ERC2: variants seen among roughly 807,000 people sequenced by gnomAD.
The protein encoded by ERC2 is ELKS/RAB6-interacting/CAST family member 2.
Under a neutral mutation model 114.8 loss-of-function variants are expected in ERC2, and 42 were observed. The ratio of observed to expected loss-of-function variants is 0.37; its 90% CI spans 0.29 to 0.47. The LOEUF (loss-of-function observed/expected upper bound fraction) is 0.47, where lower values mean the gene tolerates loss of function less well. Ranked by LOEUF, ERC2 falls within the 20% of genes least tolerant of loss-of-function variation. ERC2 has a pLI of 0.99. For synonymous variants in ERC2, 454 were observed against 425.5 expected, an observed-to-expected ratio of 1.07 and a Z score of -0.82; for missense variants, 939 against 1,150.7, an observed-to-expected ratio of 0.82 and a Z score of 2.66.
intron 17 of ERC2, among the ~76,000 whole-genome samples, chr3:55,675,500 T>G (rs2061744209): frequency 1.3e-5 from 2 of 152,188 alleles, no homozygotes; most frequent in Admixed American, 1.3e-4. Flanking sequence ...CACCTAGTGG[T>G]GGCCATAATA....
chr3:55,735,403 A>G (rs1378673687), intron 14 of ERC2, among the ~76,000 whole-genome samples: 2 of 152,344 alleles, frequency 1.3e-5, no homozygotes, highest in Non-Finnish European at 2.9e-5. Flanking sequence ...TTGTACTAAC[A>G]TGGCAAGAAA....
At chr3:56,079,477 T>C (rs1157601113) in intron 7 of ERC2, among the ~76,000 whole-genome samples, 1 of 152,130 alleles carries the variant, frequency 6.6e-6, no homozygotes, top group Non-Finnish European at 1.5e-5. Context: ...GTGACTGATG[T>C]AGTCTGAGCA....
intron 17 of ERC2, among the ~76,000 whole-genome samples, chr3:55,602,717 A>G (rs193317): frequency 0.64 from 97,057 of 151,720 alleles, 32,815 homozygotes; most frequent in East Asian, 0.78. Flanking sequence ...ACAACCTAAC[A>G]CAACCTAACA....
intron 6 of ERC2, among the ~76,000 whole-genome samples, chr3:56,086,492 C>CT (rs113369686): frequency 1.5e-3 from 206 of 140,246 alleles, no homozygotes; most frequent in Middle Eastern, 7.6e-3. Flanking sequence ...TCAGGGTCTT[C>CT]TTTTTTTTTT....
chr3:56,317,544 T>C (rs750303118), intron 2 of ERC2, among the ~76,000 whole-genome samples: 1 of 152,144 alleles, frequency 6.6e-6, no homozygotes, highest in Non-Finnish European at 1.5e-5. Context: ...AATTTGAAAG[T>C]TCTTTAATTT....
intron 2 of ERC2, among the ~76,000 whole-genome samples, chr3:56,428,288 AGGCG>A (rs2061650561): frequency 6.6e-6 from 1 of 152,128 alleles, no homozygotes; most frequent in Non-Finnish European, 1.5e-5. Context: ...TTGGAGGCTG[AGGCG>A]GGCGGATCAC....
At chr3:56,063,061 T>C (rs1262014943) in intron 7 of ERC2, among the ~76,000 whole-genome samples, 4 of 152,230 alleles carry the variant, frequency 2.6e-5, no homozygotes, top group Non-Finnish European at 4.4e-5. Context: ...TGATAAAAGC[T>C]ACAACATGGA....
At chr3:55,950,992 G>A (rs972366209) in intron 12 of ERC2, among the ~76,000 whole-genome samples, 1 of 152,220 alleles carries the variant, frequency 6.6e-6, no homozygotes, top group Non-Finnish European at 1.5e-5. Flanking sequence ...GAGACTGTGG[G>A]TGAGACTACA....
chr3:56,373,877 T>G (rs926559597), intron 2 of ERC2, among the ~76,000 whole-genome samples: 1 of 152,366 alleles, frequency 6.6e-6, no homozygotes, highest in South Asian at 2.1e-4. Context: ...TGCATTCTTT[T>G]GTGGGTTTTT....
At chr3:55,738,544 T>C (rs2065784505) in intron 14 of ERC2, among the ~76,000 whole-genome samples, 2 of 152,040 alleles carry the variant, frequency 1.3e-5, no homozygotes, top group South Asian at 4.1e-4. Context: ...GTCCTTCCAT[T>C]CTTCATGCAC....
chr3:56,408,710 G>T (rs2060821661), intron 2 of ERC2, among the ~76,000 whole-genome samples: 3 of 152,342 alleles, frequency 2.0e-5, no homozygotes, highest in Admixed American at 1.3e-4. Flanking sequence ...TGTGGCGAAA[G>T]AACTAAACGA....
chr3:56,461,479 G>A (rs570333269), intron 1 of ERC2, among the ~76,000 whole-genome samples: 1 of 152,302 alleles, frequency 6.6e-6, no homozygotes. Flanking sequence ...AGGGCACTGG[G>A]TGCTCTCACA....
rs577543672 is a variant in ERC2 at position 56,203,253 on chromosome 3, C to T, written c.1075-29733G>A. 3.3e-5 allele frequency among the ~76,000 whole-genome samples: 5 copies of T among 152,284 alleles called. No individual in the cohort carries two copies. The South Asian group carries it at 8.3e-4, about 25-fold the overall frequency. On this transcript the variant is annotated intron_variant, in intron 3 of 17. Transcript: ENST00000288221. ...GATTTGATTAAACTATCATTAAGTG[C>T]CTGAGAGATGGACAGTGGCCTGACA... is the stretch of plus-strand genomic sequence containing the variant.
chr3:55,712,003 T>C (rs937308109), intron 15 of ERC2, among the ~76,000 whole-genome samples: 2 of 152,250 alleles, frequency 1.3e-5, no homozygotes, highest in Non-Finnish European at 2.9e-5. Flanking sequence ...TCCAAACTCT[T>C]TAATCTTCAA....
chr3:55,713,113 T>A lies in ERC2; in HGVS notation c.2713-13601A>T, dbSNP rs1344313841. 1.1e-4 allele frequency among the ~76,000 whole-genome samples: 13 copies of A among 113,790 alleles called. No individual in the cohort carries two copies. The East Asian group carries it at 2.2e-3, about 20-fold the overall frequency. 74.7% of individuals were successfully genotyped at this position (113,790 alleles called of 152,430 possible). On this transcript the variant is annotated intron_variant, in intron 15 of 17. Transcript: ENST00000288221. ...CTCTGCCATTCTCTCTCTCTCTCTC[T>A]CTCTCTCTCTCTCTGTCTCACACAC...
chr3:56,167,874 C>T (rs1311461748), intron 4 of ERC2, among the ~76,000 whole-genome samples: 1 of 152,134 alleles, frequency 6.6e-6, no homozygotes, highest in Non-Finnish European at 1.5e-5. Context: ...CATGATAACA[C>T]ATGCATGTAA....
intron 17 of ERC2, among the ~76,000 whole-genome samples, chr3:55,563,498 A>G (rs185965628): frequency 6.6e-6 from 1 of 152,166 alleles, no homozygotes; most frequent in Non-Finnish European, 1.5e-5. Flanking sequence ...TGATTACTCA[A>G]CCTCTGGTCA....
chr3:56,017,611 A>C (rs1369994122), intron 8 of ERC2, among the ~76,000 whole-genome samples: 2 of 151,648 alleles, frequency 1.3e-5, no homozygotes, highest in Non-Finnish European at 2.9e-5. Flanking sequence ...CTCACCACTC[A>C]CTTTCTTCAA....
intron 12 of ERC2, among the ~76,000 whole-genome samples, chr3:55,963,417 C>A (rs779576682): frequency 4.6e-5 from 7 of 152,162 alleles, no homozygotes; most frequent in Admixed American, 6.5e-5. Context: ...AAGCTCAACA[C>A]AACGTTCCCT....
Sources: gnomAD v4.1 joint callset for allele counts (sites outside exome capture counted in the v4.1 genomes callset) on GRCh38, gnomAD v4.1.1 for gene constraint, MANE v1.5 for transcripts, NCBI Gene and HGNC (gene_info 2026-07-23, HGNC 2026-07-21) for gene names.